The following FAM161B variants were observed in gnomAD, a reference collection of about 807,000 sequenced individuals.
FAM161B encodes the protein protein FAM161B.
Under a neutral mutation model 61.5 loss-of-function variants are expected in FAM161B, and 46 were observed. That is an observed-to-expected ratio of 0.75 (90% CI 0.59 to 0.96). The LOEUF is 0.96. Among genes scored for constraint, FAM161B ranks in the 40% least tolerant of loss-of-function variants. The pLI is 0.00. For missense variants in FAM161B, 774 were observed against 800.7 expected, an observed-to-expected ratio of 0.97 and a Z score of 0.40; for synonymous variants, 284 against 302.7, an observed-to-expected ratio of 0.94 and a Z score of 0.64.
Position 73,949,989 on chromosome 14 carries a change from G to C in FAM161B, c.38C>G (p.Ala13Gly), listed in dbSNP as rs772684863. The C allele has an allele frequency of 4.3e-6, 7 of 1,613,280 alleles. No homozygotes were observed. In the South Asian group the frequency reaches 5.5e-5, roughly 13 times the overall value. ...TCTCCTCACCTGACGGCTCCCCTCC[G>C]CGCCTCCGGGGGCTCCCTCAGGCCT... ...VGRPEGAPGG[A>G]EGSRQIFPPE... Residue 13 changes from alanine (A) to glycine (G), a missense_variant, in exon 1 of 9, where the codon GCG (alanine) becomes GGG (glycine). By Grantham distance (60) the Ala-to-Gly change is moderately conservative (BLOSUM62 0). Transcript: ENST00000286544.
At chr14:73,939,948 G>T (rs2056003292) in intron 5 of FAM161B, among the ~76,000 whole-genome samples, 1 of 152,182 alleles carries the variant, frequency 6.6e-6, no homozygotes, top group East Asian at 1.9e-4. Flanking sequence ...CTGTGTTCTT[G>T]GGCCCTCAGG....
At chr14:73,944,281 G>C (rs2056044140) in intron 3 of FAM161B, 54 bp downstream of exon 3, 14 of 1,530,900 alleles carry the variant, frequency 9.1e-6, no homozygotes, top group Non-Finnish European at 1.1e-5. Context: ...AAATCCCTAT[G>C]GTGGGATTGG....
chr14:73,939,984 T>C (rs938752021), intron 5 of FAM161B, among the ~76,000 whole-genome samples: 3 of 152,308 alleles, frequency 2.0e-5, no homozygotes, highest in African/African-American at 7.2e-5. Flanking sequence ...TTAGCCCTGA[T>C]TTAGTAGGTC....
rs1204488723 is a variant in FAM161B at position 73,946,498 on chromosome 14, C to G, written c.162G>C (p.Glu54Asp). ...ASKLDEFLSPEEEIDSTSDST... is the reference protein window; with the variant it reads ...ASKLDEFLSPDEEIDSTSDST... ...AGTCAGAAGTAGAATCTATCTCCTC[C>G]TCTGGGCTGAGGAACTCGTCAAGTT... Residue 54 changes from glutamate (E) to aspartate (D), a missense_variant, in exon 2 of 9, where the codon GAG becomes GAC. Physicochemically the swap from Glu to Asp is conservative, Grantham distance 45. Coordinates refer to ENST00000286544, the MANE Select transcript of FAM161B (RefSeq NM_152445.3). 3 of 1,614,218 alleles carry G rather than the reference C, an allele frequency of 1.9e-6. No individual in the cohort carries two copies. Among genetic ancestry groups the G allele is most frequent in the Non-Finnish European group, 2.5e-6 (3 of 1,180,050 alleles).
intron 5 of FAM161B, among the ~76,000 whole-genome samples, chr14:73,939,202 A>C (rs377271171): frequency 6.6e-6 from 1 of 152,078 alleles, no homozygotes; most frequent in Admixed American, 6.6e-5. Context: ...TGGGAGGCTG[A>C]GGCAGGAGAA....
chr14:73,928,407 A>T (rs1048247253), downstream of FAM161B, among the ~76,000 whole-genome samples: 9 of 152,158 alleles, frequency 5.9e-5, no homozygotes, highest in Non-Finnish European at 1.3e-4. Context: ...GAGAGCTGGA[A>T]AGATAAGCTA....
rs2055939787 is a variant in FAM161B at position 73,933,154 on chromosome 14, T to C, written c.*1102A>G. On this transcript the variant is annotated 3_prime_UTR_variant, in exon 9 of 9. Transcript: ENST00000286544. ...AGACTGTGTTCATGGCAATTACTTGTATTCTTAGAATGCCAGTTTTTGCTT... is the reference window on the plus strand; with the variant it reads ...AGACTGTGTTCATGGCAATTACTTGCATTCTTAGAATGCCAGTTTTTGCTT... 1 of 152,252 alleles carries C rather than the reference T, an allele frequency of 6.6e-6. No individual in the cohort carries two copies. The highest frequency in any genetic ancestry group is 2.1e-4 in the South Asian group (1 of 4,836). The allele number at this position is 152,252 out of a possible 1,614,324, so 9.4% of individuals were successfully genotyped here.
At chr14:73,931,698 A>T (rs1023943592), downstream of FAM161B, 5 of 666,430 alleles carry the variant, frequency 7.5e-6, no homozygotes, top group East Asian at 1.4e-4. Context: ...TAGAAGATGG[A>T]TGTAGGAGAG....
downstream of FAM161B, chr14:73,931,565 A>G (rs751334414): frequency 6.2e-7 from 1 of 1,609,540 alleles, no homozygotes; most frequent in Non-Finnish European, 8.5e-7. Context: ...CTCCTGGAAG[A>G]GCAACTCTAT....
chr14:73,949,898 C>G (rs984763335), intron 1 of FAM161B, 75 bp downstream of exon 1: 3 of 1,582,064 alleles, frequency 1.9e-6, no homozygotes, highest in African/African-American at 1.4e-5. Context: ...CCCCTGCTGT[C>G]TGTCTCCAAG....
At chr14:73,927,009 T>C (rs2055843191), downstream of FAM161B, 1 of 153,732 alleles carries the variant, frequency 6.5e-6, no homozygotes, top group African/African-American at 2.4e-5. Context: ...CCATTACTGA[T>C]CATAGCCTAG....
intron 2 of FAM161B, among the ~76,000 whole-genome samples, chr14:73,945,662 C>CTCAT (rs1461549605): frequency 6.6e-6 from 1 of 151,958 alleles, no homozygotes; most frequent in East Asian, 1.9e-4. Context: ...AACTCCTGAC[C>CTCAT]TCATGATCCA....
rs765042794 is a variant in FAM161B, at chr14:73,949,998, G to C, written c.29C>G (p.Pro10Arg). Residue 10 changes from proline (P) to arginine (R), a missense_variant, in exon 1 of 9, where the codon CCC becomes CGC. Pro to Arg is a moderately radical substitution (Grantham distance 103, BLOSUM62 -2). Coordinates refer to ENST00000286544, the MANE Select transcript of FAM161B (RefSeq NM_152445.3). ...CTGACGGCTCCCCTCCGCGCCTCCG[G>C]GGGCTCCCTCAGGCCTCCCCACGGT... The part of the protein sequence containing the change: MTVGRPEGA[P>R]GGAEGSRQIF... The C allele has an allele frequency of 9.9e-6, 16 of 1,613,304 alleles. No individual in the cohort carries two copies. The South Asian group carries it at 1.8e-4, about 18-fold the overall frequency.
In FAM161B at chr14:73,942,460, T is replaced by G; in HGVS notation, c.1181A>C (p.Glu394Ala). 1 of 1,614,232 alleles carries G rather than the reference T, an allele frequency of 6.2e-7. No homozygotes were observed. Among genetic ancestry groups the G allele is most frequent in the Non-Finnish European group, 8.5e-7 (1 of 1,180,034 alleles). The stretch of plus-strand genomic sequence containing the variant: ...CAAGAAGGGCTTGTTGCGAGTGGCC[T>G]CTTGGGTTTCTCTTCTTTTGGCTGC... ...RRAAKRRETQ[E>A]ATRNKPFLLR... Residue 394 changes from glutamate to alanine, a missense_variant, in exon 4 of 9, where the codon GAG becomes GCG. By Grantham distance (107) the Glu-to-Ala change is moderately radical. Coordinates refer to ENST00000286544, the MANE Select transcript of FAM161B (RefSeq NM_152445.3).
At chr14:73,924,703 G>C in the FAM161B span, 1 of 445,598 alleles carries the variant, frequency 2.2e-6, no homozygotes, top group Non-Finnish European at 4.5e-6. Context: ...TTGAGACAGA[G>C]TCTCGCTCCG....
In FAM161B at chr14:73,944,325, ATG is replaced by A. The variant is rs758126594; in HGVS notation, c.925+8_925+9del. On this transcript the variant is annotated splice_region_variant and intron_variant, in intron 3 of 8. Coordinates refer to ENST00000286544, the MANE Select transcript of FAM161B (RefSeq NM_152445.3). ...GGCAGGAGGCAGCAAGGTGGCAAGGATGTCTTTACCCTGGAGTTTATCCCCAA... is the reference window on the plus strand; with the variant it reads ...GGCAGGAGGCAGCAAGGTGGCAAGGATCTTTACCCTGGAGTTTATCCCCAA... 3.2e-6 allele frequency: 5 copies of A among 1,559,874 alleles called. No individual in the cohort carries two copies. The highest frequency in any genetic ancestry group is 4.4e-6 in the Non-Finnish European group (5 of 1,149,286).
rs766421138 is a variant in FAM161B at position 73,944,806 on chromosome 14, C to T, written c.454G>A (p.Gly152Ser). 12 of 1,570,242 alleles carry T rather than the reference C, an allele frequency of 7.6e-6. No homozygotes were observed. The highest frequency in any genetic ancestry group is 1.0e-5 in the Non-Finnish European group (12 of 1,157,408). ...IPRPQTQPPS[G>S]SRPPSQHRSV... ...CTGTGCTGGGAGGGAGGCCGGGAGC[C>T]TGAGGGTGGCTGGGTCTGAGGCCTG... Residue 152 changes from glycine to serine, a missense_variant, in exon 3 of 9, where the codon GGC (glycine) becomes AGC (serine). By Grantham distance (56) the Gly-to-Ser change is moderately conservative (BLOSUM62 0). Transcript: ENST00000286544.
intron 1 of FAM161B, 40 bp downstream of exon 1, chr14:73,949,933 G>A: frequency 6.2e-7 from 1 of 1,610,514 alleles, no homozygotes. Context: ...TTTCCTCTCC[G>A]GGATTCCTTT....
Position 73,944,815 on chromosome 14 carries a change from G to C in FAM161B, c.445C>G (p.Pro149Ala), listed in dbSNP as rs1035621202. Reference protein sequence around the residue: ...PSNIPRPQTQPPSGSRPPSQH... With the variant: ...PSNIPRPQTQAPSGSRPPSQH... ...GAGGGAGGCCGGGAGCCTGAGGGTG[G>C]CTGGGTCTGAGGCCTGGGAATGTTG... is the stretch of plus-strand genomic sequence containing the variant. Residue 149 changes from proline to alanine, a missense_variant, in exon 3 of 9, where the codon CCA (proline) becomes GCA (alanine). Physicochemically the swap from Pro to Ala is conservative, Grantham distance 27. Coordinates refer to ENST00000286544, the MANE Select transcript of FAM161B (RefSeq NM_152445.3). The C allele has an allele frequency of 1.9e-5, 29 of 1,565,970 alleles. No individual in the cohort carries two copies. Among genetic ancestry groups the C allele is most frequent in the Non-Finnish European group, 2.5e-5 (29 of 1,155,604 alleles).
Sources: allele counts gnomAD v4.1 joint callset (sites outside exome capture counted in the v4.1 genomes callset), GRCh38; gene constraint gnomAD v4.1.1; transcripts MANE v1.5; gene names NCBI Gene and HGNC (gene_info 2026-07-23, HGNC 2026-07-21).